EPHA5: variants seen among roughly 807,000 people sequenced by gnomAD.
EPHA5 encodes the protein ephrin type-A receptor 5.
Under a neutral mutation model 105.0 loss-of-function variants are expected in EPHA5, and 60 were observed. The ratio of observed to expected loss-of-function variants is 0.57; its 90% CI spans 0.46 to 0.71. EPHA5 has a LOEUF of 0.71. Ranked by LOEUF, EPHA5 falls within the 30% of genes least tolerant of loss-of-function variation. EPHA5 has a pLI of 0.00. For missense variants in EPHA5, 1,218 were observed against 1,274.7 expected (o/e 0.96, Z 0.68); for synonymous variants, 513 against 449.1 (o/e 1.14, Z -1.80).
intron 2 of EPHA5, among the ~76,000 whole-genome samples, chr4:65,626,194 A>G (rs943482359): frequency 5.9e-5 from 9 of 152,296 alleles, no homozygotes; most frequent in East Asian, 1.9e-4. Flanking sequence ...TATTTAGAAA[A>G]AAATGGATTA....
chr4:65,506,959 G>A (rs1461982636), intron 3 of EPHA5, among the ~76,000 whole-genome samples: 1 of 152,110 alleles, frequency 6.6e-6, no homozygotes, highest in African/African-American at 2.4e-5. Flanking sequence ...TGTCCTGAAC[G>A]GTATTGCCTA....
chr4:65,344,300 T>G (rs1189599171), intron 14 of EPHA5, among the ~76,000 whole-genome samples: 1 of 152,066 alleles, frequency 6.6e-6, no homozygotes, highest in Non-Finnish European at 1.5e-5. Context: ...AAGAGACTTG[T>G]GGAGGAGAGC....
At chr4:65,375,398 A>G (rs2148915443) in intron 8 of EPHA5, among the ~76,000 whole-genome samples, 1 of 151,984 alleles carries the variant, frequency 6.6e-6, no homozygotes, top group South Asian at 2.1e-4. Context: ...TGTCATCTTC[A>G]GTTTACTGGT....
At position 65,477,200 on chromosome 4, in the gene EPHA5, A is replaced by G. The variant is rs561225760; in HGVS notation, c.1402+13177T>C. 4.5e-3 allele frequency among the ~76,000 whole-genome samples: 683 copies of G among 152,312 alleles called. 5 individuals are homozygous for G. Among genetic ancestry groups the G allele is most frequent in the African/African-American group, 0.016 (657 of 41,574 alleles). On this transcript the variant is annotated intron_variant, in intron 5 of 16. Coordinates refer to ENST00000613740, the MANE Select transcript of EPHA5 (RefSeq NM_001281766.3). ...AGAGCAGAGAAAGCTTTTCTCAAGA[A>G]AGCAGCAATTTAAGTGAATTTGAAA...
chr4:65,445,957 G>A (rs1321403903), intron 5 of EPHA5, among the ~76,000 whole-genome samples: 1 of 152,098 alleles, frequency 6.6e-6, no homozygotes, highest in African/African-American at 2.4e-5. Flanking sequence ...TTTGTCACCA[G>A]TGTCATCTGG....
intron 3 of EPHA5, among the ~76,000 whole-genome samples, chr4:65,528,371 AAG>A (rs571125467): frequency 2.2e-4 from 33 of 151,790 alleles, no homozygotes; most frequent in African/African-American, 8.0e-4. Context: ...ATGTTTCTTA[AAG>A]AGTGTAGTGT....
chr4:65,511,529 T>A (rs988757835), intron 3 of EPHA5, among the ~76,000 whole-genome samples: 1 of 152,186 alleles, frequency 6.6e-6, no homozygotes, highest in Non-Finnish European at 1.5e-5. Flanking sequence ...TACCTTATAC[T>A]GTAAAATACA....
intron 7 of EPHA5, among the ~76,000 whole-genome samples, chr4:65,409,346 A>AAAATAAATGAATAAATAAAT (rs1553910974): frequency 1.5e-5 from 2 of 134,212 alleles, no homozygotes; most frequent in East Asian, 4.4e-4. Context: ...ATAATAATAA[A>AAAATAAATGAATAAATAAAT]AAATAAATAA....
chr4:65,377,311 T>C (rs1245542810), intron 8 of EPHA5, among the ~76,000 whole-genome samples: 1 of 152,006 alleles, frequency 6.6e-6, no homozygotes, highest in Non-Finnish European at 1.5e-5. Flanking sequence ...GTAGGAAATG[T>C]CATGAGCCAA....
At chr4:65,337,134 A>G (rs1445717150) in intron 14 of EPHA5, among the ~76,000 whole-genome samples, 1 of 152,006 alleles carries the variant, frequency 6.6e-6, no homozygotes, top group African/African-American at 2.4e-5. Flanking sequence ...ATACAGAATG[A>G]TCTTTCAACA....
At chr4:65,666,769 T>C (rs1323617445) in intron 1 of EPHA5, among the ~76,000 whole-genome samples, 1 of 152,190 alleles carries the variant, frequency 6.6e-6, no homozygotes, top group African/African-American at 2.4e-5. Context: ...TTGTCTGCTA[T>C]CCAACATATT....
intron 14 of EPHA5, among the ~76,000 whole-genome samples, chr4:65,343,018 TA>T (rs1173154722): frequency 6.6e-6 from 1 of 152,110 alleles, no homozygotes; most frequent in Non-Finnish European, 1.5e-5. Context: ...ATAAGAAGAT[TA>T]AAAAACAGGC....
At chr4:65,408,192 CTGTCA>C (rs1722555592) in intron 7 of EPHA5, among the ~76,000 whole-genome samples, 9 of 151,936 alleles carry the variant, frequency 5.9e-5, no homozygotes, top group Admixed American at 5.9e-4. Context: ...TTACAGGGTA[CTGTCA>C]ATGCCTTCAT....
At chr4:65,343,291 T>C (rs1308745869) in intron 14 of EPHA5, among the ~76,000 whole-genome samples, 1 of 152,210 alleles carries the variant, frequency 6.6e-6, no homozygotes, top group Non-Finnish European at 1.5e-5. Flanking sequence ...GGTATTTACC[T>C]AAAATCTCCT....
intron 3 of EPHA5, among the ~76,000 whole-genome samples, chr4:65,528,796 C>G (rs1578344219): frequency 6.6e-6 from 1 of 152,124 alleles, no homozygotes; most frequent in Non-Finnish European, 1.5e-5. Flanking sequence ...GCACTTAAAT[C>G]ACTTCTTTCC....
At chr4:65,587,173 T>C (rs1247435504) in intron 3 of EPHA5, among the ~76,000 whole-genome samples, 3 of 152,058 alleles carry the variant, frequency 2.0e-5, no homozygotes, top group Non-Finnish European at 4.4e-5. Context: ...TCGGAATTGG[T>C]GGGGAGATGA....
chr4:65,433,096 G>C (rs1257314194), intron 5 of EPHA5, among the ~76,000 whole-genome samples: 1 of 152,108 alleles, frequency 6.6e-6, no homozygotes, highest in Admixed American at 6.5e-5. Context: ...AGGTTATTAA[G>C]TATGCAAACC....
chr4:65,647,374 T>C (rs1311727985), intron 1 of EPHA5, among the ~76,000 whole-genome samples: 2 of 147,324 alleles, frequency 1.4e-5, no homozygotes, highest in African/African-American at 5.0e-5. Context: ...ATAGGGTATA[T>C]ATAAATGTGA....
At chr4:65,600,639 C>T (rs1578542752) in intron 3 of EPHA5, among the ~76,000 whole-genome samples, 1 of 152,180 alleles carries the variant, frequency 6.6e-6, no homozygotes, top group Non-Finnish European at 1.5e-5. Flanking sequence ...CCTGAAGCTA[C>T]CAGGTGGGAC....
Sources: gnomAD v4.1 joint callset for allele counts (sites outside exome capture counted in the v4.1 genomes callset) on GRCh38, gnomAD v4.1.1 for gene constraint, MANE v1.5 for transcripts, NCBI Gene and HGNC (gene_info 2026-07-23, HGNC 2026-07-21) for gene names.